MYRIP: variants seen among roughly 807,000 people sequenced by gnomAD.
MYRIP encodes the protein myosin VIIA and Rab interacting protein.
In MYRIP, 49 loss-of-function variants were observed where a neutral mutation model predicts 98.0. The observed-to-expected ratio is 0.50, with a 90% CI of 0.40 to 0.63. MYRIP has a LOEUF of 0.63. Among genes scored for constraint, MYRIP ranks in the 30% least tolerant of loss-of-function variants. The pLI, the probability that MYRIP is intolerant of heterozygous loss-of-function variation, is 0.00. For synonymous variants in MYRIP, 404 were observed against 409.5 expected (o/e 0.99, Z 0.16); for missense variants, 1,004 against 1,058.2 (o/e 0.95, Z 0.71).
chr3:40,123,569 A>G (rs2125912690), intron 3 of MYRIP, among the ~76,000 whole-genome samples: 1 of 152,334 alleles, frequency 6.6e-6, no homozygotes, highest in Non-Finnish European at 1.5e-5. Context: ...CATGGTTACC[A>G]AGTCTGATGA....
intron 10 of MYRIP, among the ~76,000 whole-genome samples, chr3:40,201,080 G>A (rs964509292): frequency 6.6e-6 from 1 of 152,192 alleles, no homozygotes; most frequent in South Asian, 2.1e-4. Flanking sequence ...CTAAGCATGT[G>A]GGAGTTATTT....
chr3:39,875,578 C>A (rs544681284), intron 1 of MYRIP, among the ~76,000 whole-genome samples: 309 of 151,086 alleles, frequency 2.0e-3, no homozygotes, highest in African/African-American at 7.4e-3. Flanking sequence ...ATCTTTATTT[C>A]TGCCTTCATT....
At chr3:39,878,955 A>C (rs1943090871) in intron 1 of MYRIP, among the ~76,000 whole-genome samples, 1 of 151,708 alleles carries the variant, frequency 6.6e-6, no homozygotes, top group African/African-American at 2.4e-5. Context: ...AGTCCCAGCT[A>C]CTTGGGAGGC....
chr3:39,996,924 T>G (rs1038175154), intron 2 of MYRIP, among the ~76,000 whole-genome samples: 3 of 152,336 alleles, frequency 2.0e-5, no homozygotes, highest in African/African-American at 7.2e-5. Flanking sequence ...AACCTGCTCC[T>G]GAATGACTAC....
At chr3:39,976,319 G>T (rs1391333350) in intron 2 of MYRIP, among the ~76,000 whole-genome samples, 1 of 152,208 alleles carries the variant, frequency 6.6e-6, no homozygotes, top group African/African-American at 2.4e-5. Flanking sequence ...GGCCATCAGA[G>T]AAATGCAAAT....
At chr3:40,090,209 T>G (rs371753428) in intron 3 of MYRIP, among the ~76,000 whole-genome samples, 7 of 152,230 alleles carry the variant, frequency 4.6e-5, no homozygotes, top group African/African-American at 1.2e-4. Flanking sequence ...CTGTGAAGAT[T>G]ATGATGATCA....
In MYRIP at chr3:39,893,497, A is replaced by G. The variant is rs146914000; in HGVS notation, c.-30-7290A>G. ...AATCAATTATAATTCAATAGGGACCAGTTTTCAGGCTGTTTCCTATAACAT... is the reference window on the plus strand; with the variant it reads ...AATCAATTATAATTCAATAGGGACCGGTTTTCAGGCTGTTTCCTATAACAT... On this transcript the variant is annotated intron_variant, in intron 1 of 16. Transcript: ENST00000302541. Among the ~76,000 whole-genome samples the G allele has an allele frequency of 4.6e-5, 7 of 152,254 alleles. No homozygotes were observed. In the East Asian group the frequency reaches 1.3e-3, roughly 29 times the overall value.
chr3:39,992,656 C>A (rs1946208369), intron 2 of MYRIP, among the ~76,000 whole-genome samples: 1 of 152,202 alleles, frequency 6.6e-6, no homozygotes, highest in African/African-American at 2.4e-5. Context: ...TGGTTTTGCC[C>A]ACTAGTCCTG....
At chr3:40,043,176 A>G (rs554863338) in intron 2 of MYRIP, among the ~76,000 whole-genome samples, 1 of 152,324 alleles carries the variant, frequency 6.6e-6, no homozygotes, top group African/African-American at 2.4e-5. Flanking sequence ...AAATAGTAAA[A>G]GTAGTAGTCT....
intron 1 of MYRIP, among the ~76,000 whole-genome samples, chr3:39,887,966 T>A (rs1186723791): frequency 6.6e-6 from 1 of 150,732 alleles, no homozygotes; most frequent in Non-Finnish European, 1.5e-5. Flanking sequence ...GAATCCAACT[T>A]ACAAGGGACG....
chr3:39,840,802 G>A (rs1941776790), intron 1 of MYRIP, among the ~76,000 whole-genome samples: 1 of 152,160 alleles, frequency 6.6e-6, no homozygotes, highest in Non-Finnish European at 1.5e-5. Context: ...ACTCTCTTGT[G>A]GCTTGTAGGG....
chr3:39,859,781 T>C (rs1049648776), intron 1 of MYRIP, among the ~76,000 whole-genome samples: 1 of 152,146 alleles, frequency 6.6e-6, no homozygotes, highest in African/African-American at 2.4e-5. Flanking sequence ...GATTATAAAA[T>C]GCAGAAAAAG....
Position 40,218,580 on chromosome 3 carries a change from T to TACACACACACAC in MYRIP, c.1905+8495_1905+8506dup, listed in dbSNP as rs775687543. 4.4e-3 allele frequency among the ~76,000 whole-genome samples: 65 copies of TACACACACACAC among 14,928 alleles called. 1 individual carries two copies. The highest frequency in any genetic ancestry group is 9.6e-3 in the Non-Finnish European group (41 of 4,264). 9.8% of individuals were successfully genotyped at this position (14,928 alleles called of 152,430 possible). A position where few individuals can be genotyped will look rare whatever the true frequency, so the allele number is the denominator to read the frequency against. On this transcript the variant is annotated intron_variant, in intron 11 of 16. Coordinates refer to ENST00000302541, the MANE Select transcript of MYRIP (RefSeq NM_015460.4). ...TAATATACATACACACATACACATT[T>TACACACACACAC]ACACACACACACACACACATATATA...
intron 10 of MYRIP, among the ~76,000 whole-genome samples, chr3:40,196,683 T>C (rs1241334773): frequency 1.3e-5 from 2 of 152,230 alleles, no homozygotes; most frequent in East Asian, 1.9e-4. Flanking sequence ...CTCTGTTTTT[T>C]GGAGACAAAA....
intron 7 of MYRIP, among the ~76,000 whole-genome samples, chr3:40,168,090 T>C (rs1950536154): frequency 6.6e-6 from 1 of 152,196 alleles, no homozygotes. Flanking sequence ...TCATGTACTG[T>C]AGTTGGTTTT....
intron 5 of MYRIP, among the ~76,000 whole-genome samples, chr3:40,164,635 A>G (rs1409736129): frequency 6.6e-6 from 1 of 152,202 alleles, no homozygotes; most frequent in Non-Finnish European, 1.5e-5. Context: ...AGCCACGTTG[A>G]CACATTGACC....
intron 10 of MYRIP, among the ~76,000 whole-genome samples, chr3:40,192,332 T>TATATATGTC (rs1553624987): frequency 2.2e-4 from 29 of 131,730 alleles, no homozygotes; most frequent in Middle Eastern, 3.8e-3. Flanking sequence ...ATATGTCATA[T>TATATATGTC]ATATATATGT....
intron 3 of MYRIP, among the ~76,000 whole-genome samples, chr3:40,058,131 G>A (rs141973251): frequency 1.1e-4 from 16 of 152,130 alleles, no homozygotes; most frequent in East Asian, 9.6e-4. Context: ...TTTTTAGCAC[G>A]CAAACAATTT....
intron 2 of MYRIP, among the ~76,000 whole-genome samples, chr3:39,911,316 A>C (rs1236287764): frequency 6.6e-6 from 1 of 152,104 alleles, no homozygotes; most frequent in Non-Finnish European, 1.5e-5. Context: ...TGATGCTCTT[A>C]TTTGCTTTTT....
Sources: gnomAD v4.1 joint callset for allele counts (sites outside exome capture counted in the v4.1 genomes callset) on GRCh38, gnomAD v4.1.1 for gene constraint, MANE v1.5 for transcripts, NCBI Gene and HGNC (gene_info 2026-07-23, HGNC 2026-07-21) for gene names.